TBCK: variants seen among roughly 807,000 people sequenced by gnomAD.
TBCK encodes the protein TBC domain-containing protein kinase-like protein.
Under a neutral mutation model 113.4 loss-of-function variants are expected in TBCK, and 99 were observed. The ratio of observed to expected loss-of-function variants is 0.87; its 90% CI spans 0.74 to 1.03. The LOEUF is 1.03. Among genes scored for constraint, TBCK ranks in the 50% least tolerant of loss-of-function variants. TBCK has a pLI of 0.00. For missense variants in TBCK, 1,045 were observed against 1,061.3 expected (o/e 0.98, Z 0.21); for synonymous variants, 369 against 370.8 (o/e 1.00, Z 0.05).
At chr4:106,091,542 C>T (rs969985419) in intron 25 of TBCK, among the ~76,000 whole-genome samples, 6 of 152,088 alleles carry the variant, frequency 3.9e-5, no homozygotes, top group African/African-American at 1.4e-4. Context: ...CTGGTGGGTT[C>T]GTGGTCTCGC....
chr4:106,126,068 C>G (rs1398821028), intron 23 of TBCK, among the ~76,000 whole-genome samples: 2 of 152,218 alleles, frequency 1.3e-5, no homozygotes, highest in African/African-American at 4.8e-5. Flanking sequence ...CACTACTTGC[C>G]TTTTCACGCC....
intron 20 of TBCK, among the ~76,000 whole-genome samples, chr4:106,208,368 A>G (rs2149872569): frequency 6.7e-6 from 1 of 149,498 alleles, no homozygotes; most frequent in Non-Finnish European, 1.5e-5. Context: ...ACCCTTCCCT[A>G]ATTAGTTTTT....
intron 25 of TBCK, among the ~76,000 whole-genome samples, chr4:106,056,325 G>C (rs1454283289): frequency 7.1e-6 from 1 of 141,306 alleles, no homozygotes; most frequent in East Asian, 2.1e-4. Context: ...GACTGGTATC[G>C]AACTCCTGGG....
At chr4:106,280,515 T>C (rs565566806) in intron 3 of TBCK, among the ~76,000 whole-genome samples, 1 of 152,268 alleles carries the variant, frequency 6.6e-6, no homozygotes, top group African/African-American at 2.4e-5. Flanking sequence ...ACTGATGTCC[T>C]AGTAGAGAGT....
chr4:106,222,083 T>G (rs1659014527), intron 19 of TBCK, among the ~76,000 whole-genome samples: 1 of 152,130 alleles, frequency 6.6e-6, no homozygotes, highest in South Asian at 2.1e-4. Flanking sequence ...GTAAATGGTA[T>G]TATTTAAACA....
rs184971145 is a variant in TBCK at position 106,068,300 on chromosome 4, C to G, written c.2572-21620G>C. 3.3e-3 allele frequency among the ~76,000 whole-genome samples: 509 copies of G among 152,206 alleles called. 5 individuals are homozygous for G. Among genetic ancestry groups the G allele is most frequent in the Middle Eastern group, 6.8e-3 (2 of 294 alleles). On this transcript the variant is annotated intron_variant, in intron 25 of 25. Coordinates refer to ENST00000394708, the MANE Select transcript of TBCK (RefSeq NM_001163435.3). Reference sequence around the variant, plus strand: ...ATTTCTCCTAATGCTATCCCTCCCCCATCCCCCCACCCCACACCAGGCCCC... The same window carrying G: ...ATTTCTCCTAATGCTATCCCTCCCCGATCCCCCCACCCCACACCAGGCCCC...
chr4:106,251,941 T>C lies in TBCK; in HGVS notation c.522A>G (p.Pro174=), dbSNP rs559231281. 21 of 1,612,060 alleles carry C rather than the reference T, an allele frequency of 1.3e-5. No homozygotes were observed. The highest frequency in any genetic ancestry group is 1.6e-5 in the Non-Finnish European group (19 of 1,178,700). Residue 174 remains proline, a synonymous_variant, in exon 6 of 26, where the codon CCA becomes CCG. Transcript: ENST00000394708. The part of the protein sequence containing the change: ...QGIFKTTDHM[P]SKKPLPSGPK... Reference sequence around the variant, plus strand: ...GGCCAGAAGGCAATGGTTTTTTACTTGGCATGTGATCAGTGGTTTTGAAAA... The same window carrying C: ...GGCCAGAAGGCAATGGTTTTTTACTCGGCATGTGATCAGTGGTTTTGAAAA...
intron 25 of TBCK, among the ~76,000 whole-genome samples, chr4:106,058,084 T>C (rs577324905): frequency 6.6e-6 from 1 of 151,798 alleles, no homozygotes; most frequent in Admixed American, 6.6e-5. Context: ...AATTTGCCTA[T>C]CAAATATTTA....
intron 22 of TBCK, among the ~76,000 whole-genome samples, chr4:106,181,220 C>T (rs1452233850): frequency 6.6e-6 from 1 of 151,802 alleles, no homozygotes; most frequent in Non-Finnish European, 1.5e-5. Context: ...GGGTTCTTGG[C>T]TTTTTTCTTG....
At chr4:106,107,772 A>G (rs1460796684) in intron 24 of TBCK, among the ~76,000 whole-genome samples, 3 of 152,212 alleles carry the variant, frequency 2.0e-5, no homozygotes, top group Admixed American at 6.5e-5. Flanking sequence ...GAACTGAGAA[A>G]TAATTACAAA....
intron 23 of TBCK, among the ~76,000 whole-genome samples, chr4:106,121,025 G>T (rs976543035): frequency 6.6e-6 from 1 of 152,016 alleles, no homozygotes; most frequent in Non-Finnish European, 1.5e-5. Context: ...TCTGAGCTAC[G>T]GGAGGACATT....
chr4:106,132,753 C>A (rs955067263), intron 23 of TBCK, among the ~76,000 whole-genome samples: 1 of 152,194 alleles, frequency 6.6e-6, no homozygotes, highest in Non-Finnish European at 1.5e-5. Context: ...GGGAGCACAC[C>A]TCTTGTATCA....
At chr4:106,267,718 A>G (rs1363931946) in intron 3 of TBCK, among the ~76,000 whole-genome samples, 2 of 151,928 alleles carry the variant, frequency 1.3e-5, no homozygotes, top group Non-Finnish European at 2.9e-5. Flanking sequence ...TTGTATTTGG[A>G]TTTTCAACAT....
intron 23 of TBCK, among the ~76,000 whole-genome samples, chr4:106,120,688 A>AC (rs1383668948): frequency 1.3e-5 from 2 of 151,928 alleles, no homozygotes; most frequent in African/African-American, 4.8e-5. Flanking sequence ...ACTGGGAGGC[A>AC]CCCCCCAGCA....
At chr4:106,310,787 AGG>A (rs1704728022) in intron 1 of TBCK, among the ~76,000 whole-genome samples, 1 of 152,238 alleles carries the variant, frequency 6.6e-6, no homozygotes, top group African/African-American at 2.4e-5. Flanking sequence ...TACAGTATCA[AGG>A]GCAAACAATG....
chr4:106,279,193 C>A (rs1433523346), intron 3 of TBCK, among the ~76,000 whole-genome samples: 2 of 152,158 alleles, frequency 1.3e-5, no homozygotes, highest in African/African-American at 4.8e-5. Context: ...AGTCAATTTA[C>A]TGAAGTTTCC....
intron 1 of TBCK, among the ~76,000 whole-genome samples, chr4:106,314,155 C>T (rs1387364967): frequency 6.6e-6 from 1 of 151,970 alleles, no homozygotes; most frequent in African/African-American, 2.4e-5. Flanking sequence ...CTAACTTTGA[C>T]AATGTACAAG....
chr4:106,298,935 G>C (rs755385578), intron 2 of TBCK, among the ~76,000 whole-genome samples: 10 of 152,164 alleles, frequency 6.6e-5, no homozygotes, highest in Non-Finnish European at 1.5e-5. Flanking sequence ...ACATCCACTG[G>C]GGGTGCTGGG....
At chr4:106,202,773 G>A (rs979842013) in intron 20 of TBCK, among the ~76,000 whole-genome samples, 4 of 151,960 alleles carry the variant, frequency 2.6e-5, no homozygotes, top group Admixed American at 6.6e-5. Context: ...CAATAAATAA[G>A]TCTGGAATTC....
Sources: gnomAD v4.1 joint callset for allele counts (sites outside exome capture counted in the v4.1 genomes callset) on GRCh38, gnomAD v4.1.1 for gene constraint, MANE v1.5 for transcripts, NCBI Gene and HGNC (gene_info 2026-07-23, HGNC 2026-07-21) for gene names.